The following CPSF4L variants were observed in gnomAD, a reference collection of about 807,000 sequenced individuals.
The protein encoded by CPSF4L is putative cleavage and polyadenylation specificity factor subunit 4-like protein.
CPSF4L carries 18 observed loss-of-function variants against 24.0 expected under a neutral mutation model. The observed-to-expected ratio is 0.75, with a 90% confidence interval of 0.52 to 1.11. The LOEUF (loss-of-function observed/expected upper bound fraction) is 1.11, where lower values mean the gene tolerates loss of function less well. Among genes scored for constraint, CPSF4L ranks in the 50% least tolerant of loss-of-function variants. CPSF4L has a pLI of 0.00. For missense variants in CPSF4L, 211 were observed against 221.8 expected (o/e 0.95, Z 0.31); for synonymous variants, 72 against 77.2 (o/e 0.93, Z 0.35).
At chr17:73,249,490 G>A (rs367959683) in intron 5 of CPSF4L, among the ~76,000 whole-genome samples, 8 of 152,180 alleles carry the variant, frequency 5.3e-5, no homozygotes, top group Admixed American at 3.3e-4. Context: ...CCCAAAACCC[G>A]ACTCCTGGGC....
chr17:73,246,722 G>A (rs750555318), downstream of CPSF4L, among the ~76,000 whole-genome samples: 4 of 152,156 alleles, frequency 2.6e-5, no homozygotes, highest in Non-Finnish European at 5.9e-5. Context: ...CATAGTTAAG[G>A]TATTCAGCAA....
the CPSF4L span, chr17:73,242,324 A>G: frequency 1.2e-6 from 2 of 1,602,202 alleles, no homozygotes; most frequent in South Asian, 1.1e-5. Context: ...CTTCTCTCTA[A>G]TGAGGCTCTT....
Position 73,261,778 on chromosome 17 carries a change from G to T in CPSF4L, c.41C>A (p.Ala14Asp), listed in dbSNP as rs1263523051. 1 of 1,551,794 alleles carries T rather than the reference G, an allele frequency of 6.4e-7. No homozygotes were observed. ...CTGCATCTCGACATCCTTCTCGAAGGCAAAGGTGAACCGCTCTAGCCCCGC... is the reference window on the plus strand; with the variant it reads ...CTGCATCTCGACATCCTTCTCGAAGTCAAAGGTGAACCGCTCTAGCCCCGC... Reference protein sequence around the residue: ...VIAGLERFTFAFEKDVEMQKG... With the variant: ...VIAGLERFTFDFEKDVEMQKG... The change falls in exon 1 of 6, where the codon GCC becomes GAC. Residue 14 changes from alanine (A) to aspartate (D), a missense_variant. Transcript: ENST00000344935.
chr17:73,261,628 TC>T, intron 1 of CPSF4L, 87 bp downstream of exon 1: 1 of 923,256 alleles, frequency 1.1e-6, no homozygotes, highest in Non-Finnish European at 1.7e-6. Context: ...GCCACTACAC[TC>T]CAGCCTGGGC....
chr17:73,258,225 T>G (rs2062031175), intron 2 of CPSF4L, among the ~76,000 whole-genome samples: 1 of 152,122 alleles, frequency 6.6e-6, no homozygotes, highest in South Asian at 2.1e-4. Context: ...TTAGCCAGGA[T>G]GGTCTCGATC....
In CPSF4L at chr17:73,253,949, G is replaced by A. The variant is rs367548246; in HGVS notation, c.385C>T (p.Gln129Ter). Residue 129 changes from glutamine to a stop codon, truncating the protein, a stop_gained, in exon 4 of 6, where the codon CAA becomes TAA. Coordinates refer to ENST00000344935, the MANE Select transcript of CPSF4L (RefSeq NM_001129885.1). LOFTEE classifies it high-confidence loss of function. ...GCCTCACCGTCCTTGCAGAAACCTT[G>A]GTCATACCAAGGACAGTCCTGGGAC... ...FKSQDCPWYDQGFCKDGPLCK... is the reference protein window; with the variant it reads ...FKSQDCPWYD The A allele has an allele frequency of 5.5e-5, 86 of 1,551,196 alleles. No individual in the cohort carries two copies. The highest frequency in any genetic ancestry group is 9.8e-5 in the Admixed American group (5 of 50,966).
At chr17:73,262,652 C>T (rs1009824987), upstream of CPSF4L, among the ~76,000 whole-genome samples, 8 of 152,218 alleles carry the variant, frequency 5.3e-5, no homozygotes, top group African/African-American at 1.9e-4. Context: ...GGACATCTGA[C>T]AATGCTTTCA....
chr17:73,260,996 G>C lies in CPSF4L; in HGVS notation c.104-13C>G. 6.5e-7 allele frequency: 1 copy of C among 1,549,256 alleles called. No individual in the cohort carries two copies. Among genetic ancestry groups the C allele is most frequent in the Non-Finnish European group, 8.7e-7 (1 of 1,145,364 alleles). On this transcript the variant is annotated splice_polypyrimidine_tract_variant and intron_variant, in intron 1 of 5. Transcript: ENST00000344935. Reference sequence around the variant, plus strand: ...GCTGAGGCCGACTCTGGAAGGAGAAGAGGGAACGGAGAAGGTAGCTTCCCC... The same window carrying C: ...GCTGAGGCCGACTCTGGAAGGAGAACAGGGAACGGAGAAGGTAGCTTCCCC...
At chr17:73,251,053 C>A in intron 5 of CPSF4L, 1 of 1,549,964 alleles carries the variant, frequency 6.5e-7, no homozygotes, top group South Asian at 1.2e-5. Flanking sequence ...GGTTTCCAAG[C>A]TTCCACAGCA....
At chr17:73,250,162 C>T (rs1458447046) in intron 5 of CPSF4L, 17 of 1,392,322 alleles carry the variant, frequency 1.2e-5, no homozygotes, top group Non-Finnish European at 1.7e-5. Context: ...CTTAGGATGA[C>T]AGCAGGCTTA....
chr17:73,262,557 C>T (rs58564745), upstream of CPSF4L, among the ~76,000 whole-genome samples: 242 of 152,368 alleles, frequency 1.6e-3, 3 homozygotes, highest in East Asian at 0.04. Flanking sequence ...AGTGCCACCC[C>T]ACCCCTGAGA....
intron 1 of CPSF4L, 57 bp from the exon 2 acceptor site, chr17:73,261,040 G>C (rs1039370542): frequency 1.4e-6 from 2 of 1,423,484 alleles, no homozygotes; most frequent in East Asian, 2.5e-5. Context: ...CAGCTGTTCC[G>C]GAAGCCTCCA....
chr17:73,252,781 A>G, intron 4 of CPSF4L, 58 bp from the exon 5 acceptor site: 1 of 1,279,088 alleles, frequency 7.8e-7, no homozygotes, highest in Non-Finnish European at 1.1e-6. Flanking sequence ...GGGAAAACAC[A>G]CATGAAAAAG....
chr17:73,246,466 GC>G (rs2061952072), downstream of CPSF4L, among the ~76,000 whole-genome samples: 1 of 152,212 alleles, frequency 6.6e-6, no homozygotes, highest in African/African-American at 2.4e-5. Flanking sequence ...AGCCCAGGAG[GC>G]GGAGGCTGCA....
At chr17:73,261,087 C>T in intron 1 of CPSF4L, 104 bp from the exon 2 acceptor site, 1 of 943,526 alleles carries the variant, frequency 1.1e-6, no homozygotes. Context: ...CTCCCCCAGG[C>T]TCTGGCCTAT....
Position 73,260,957 on chromosome 17 carries a change from A to C in CPSF4L, c.130T>G (p.Phe44Val), listed in dbSNP as rs779998731. Reference protein sequence around the residue: ...DKSASAVCNFFTKGLCEKGKL... With the variant: ...DKSASAVCNFVTKGLCEKGKL... ...CCTTTCTCACAGAGCCCTTTAGTGAAGAAGTTGCACACAGCTGAGGCCGAC... is the reference window on the plus strand; with the variant it reads ...CCTTTCTCACAGAGCCCTTTAGTGACGAAGTTGCACACAGCTGAGGCCGAC... Residue 44 changes from phenylalanine (F) to valine (V), a missense_variant, in exon 2 of 6, where the codon TTC becomes GTC. Physicochemically the swap from Phe to Val is conservative, Grantham distance 50. Transcript: ENST00000344935. The C allele has an allele frequency of 3.2e-5, 49 of 1,550,512 alleles. No individual in the cohort carries two copies. Among genetic ancestry groups the C allele is most frequent in the Non-Finnish European group, 4.1e-5 (47 of 1,146,360 alleles).
chr17:73,250,090 A>G lies in CPSF4L; in HGVS notation c.498-1554T>C, dbSNP rs1424532786. 11 of 581,368 alleles carry G rather than the reference A, an allele frequency of 1.9e-5. No homozygotes were observed. In the East Asian group the frequency reaches 2.3e-4, roughly 12 times the overall value. The allele number at this position is 581,368 out of a possible 1,614,324, so 36.0% of individuals were successfully genotyped here. A position where few individuals can be genotyped will look rare whatever the true frequency, so the allele number is the denominator to read the frequency against. On this transcript the variant is annotated intron_variant, in intron 5 of 5. Coordinates refer to ENST00000344935, the MANE Select transcript of CPSF4L (RefSeq NM_001129885.1). ...TGTATTTTTAGTAGCTCGTTCACTT[A>G]CAGGATCAAAAGAAATAAACCTGCC...
downstream of CPSF4L, chr17:73,245,783 A>G (rs191483149): frequency 6.5e-4 from 565 of 868,752 alleles, 5 homozygotes; most frequent in Non-Finnish European, 5.4e-4. Context: ...AAAATAGCAC[A>G]CTAACTATAA....
chr17:73,260,323 AAG>A (rs1216038372), intron 2 of CPSF4L, among the ~76,000 whole-genome samples: 1 of 152,158 alleles, frequency 6.6e-6, no homozygotes, highest in Non-Finnish European at 1.5e-5. Context: ...GCAAGGCAGA[AAG>A]AAAAAAATAC....
Sources: gnomAD v4.1 joint callset for allele counts (sites outside exome capture counted in the v4.1 genomes callset) on GRCh38, gnomAD v4.1.1 for gene constraint, MANE v1.5 for transcripts, NCBI Gene and HGNC (gene_info 2026-07-23, HGNC 2026-07-21) for gene names.